Variants in XRCC5 observed in about 807,000 individuals in gnomAD.
XRCC5 encodes X-ray repair cross complementing 5.
XRCC5 carries 12 observed loss-of-function variants against 95.7 expected under a neutral mutation model. The ratio of observed to expected loss-of-function variants is 0.13; its 90% CI spans 0.08 to 0.20. XRCC5 has a LOEUF of 0.20. Among genes scored for constraint, XRCC5 ranks in the 10% least tolerant of loss-of-function variants. The pLI, the probability that XRCC5 is intolerant of heterozygous loss-of-function variation, is 1.00. For missense variants in XRCC5, 595 were observed against 873.9 expected (o/e 0.68, Z 4.02); for synonymous variants, 281 against 290.3 (o/e 0.97, Z 0.33).
intron 16 of XRCC5, 82 bp downstream of exon 16, chr2:216,162,130 T>C: frequency 1.5e-6 from 2 of 1,324,862 alleles, no homozygotes; most frequent in South Asian, 1.2e-5. Context: ...CTGTAGCCTT[T>C]TGTTGTAACA....
intron 19 of XRCC5, among the ~76,000 whole-genome samples, chr2:216,196,531 TAC>T (rs200962435): frequency 6.6e-6 from 1 of 152,058 alleles, no homozygotes; most frequent in African/African-American, 2.4e-5. Context: ...TGTATGCACA[TAC>T]ACACACACAT....
intron 8 of XRCC5, 167 bp from the exon 9 acceptor site, chr2:216,130,708 G>A (rs1696982022): frequency 1.9e-6 from 1 of 528,712 alleles, no homozygotes; most frequent in African/African-American, 2.0e-5. Flanking sequence ...ATCTGCTGCT[G>A]CTTTTTCACC....
At position 216,205,368 on chromosome 2, in the gene XRCC5, A is replaced by T; in HGVS notation, c.*166A>T. ...AATTCTCTGTGGAATGAATACACAC[A>T]TATATATTACAAGGGATAATTTAGA... is the stretch of plus-strand genomic sequence containing the variant. On this transcript the variant is annotated 3_prime_UTR_variant, in exon 21 of 21. Transcript: ENST00000392132. 2 of 733,598 alleles carry T rather than the reference A, an allele frequency of 2.7e-6. No individual in the cohort carries two copies. Among genetic ancestry groups the T allele is most frequent in the South Asian group, 3.3e-5 (2 of 60,644 alleles). The allele number at this position is 733,598 out of a possible 1,614,324, so 45.4% of individuals were successfully genotyped here. A position where few individuals can be genotyped will look rare whatever the true frequency, so the allele number is the denominator to read the frequency against.
At chr2:216,119,213 AT>A in intron 5 of XRCC5, 48 bp downstream of exon 5, 1 of 1,605,276 alleles carries the variant, frequency 6.2e-7, no homozygotes, top group Non-Finnish European at 8.5e-7. Context: ...TGATTTCCTA[AT>A]ATAGTGAATG....
At chr2:216,116,574 G>A (rs758220737) in intron 2 of XRCC5, 85 bp from the exon 3 acceptor site, 3 of 1,526,410 alleles carry the variant, frequency 2.0e-6, no homozygotes, top group Non-Finnish European at 2.7e-6. Context: ...GGGAGGTCTG[G>A]TTGTCCTGCT....
intron 16 of XRCC5, chr2:216,175,883 T>G: frequency 2.4e-6 from 1 of 422,264 alleles, no homozygotes; most frequent in South Asian, 1.9e-5. Flanking sequence ...TAACCCATCA[T>G]CTGTAGTTTT....
chr2:216,180,964 C>A (rs1489299444), intron 16 of XRCC5, among the ~76,000 whole-genome samples: 1 of 151,808 alleles, frequency 6.6e-6, no homozygotes, highest in Non-Finnish European at 1.5e-5. Context: ...CAGGCATGCA[C>A]CACCACACCC....
chr2:216,144,903 C>A (rs1688593815), intron 13 of XRCC5, among the ~76,000 whole-genome samples: 1 of 152,104 alleles, frequency 6.6e-6, no homozygotes, highest in Non-Finnish European at 1.5e-5. Context: ...AGGGTTGTTA[C>A]AAAACCAAAC....
chr2:216,131,252 T>C, intron 9 of XRCC5: 1 of 985,316 alleles, frequency 1.0e-6, no homozygotes, highest in Non-Finnish European at 1.2e-6. Flanking sequence ...ATGAGGGGTA[T>C]TTGAATTATG....
chr2:216,173,568 A>G (rs1689211548), intron 16 of XRCC5, among the ~76,000 whole-genome samples: 1 of 152,206 alleles, frequency 6.6e-6, no homozygotes, highest in Admixed American at 6.5e-5. Flanking sequence ...GTTCTATAAA[A>G]TCCTTTTTAT....
intron 6 of XRCC5, among the ~76,000 whole-genome samples, chr2:216,124,758 G>T (rs1328397470): frequency 2.0e-5 from 3 of 152,156 alleles, no homozygotes; most frequent in Admixed American, 2.0e-4. Context: ...AAGGAGTTCA[G>T]CCAGAAAGTC....
chr2:216,181,582 A>T (rs762994388), intron 16 of XRCC5, among the ~76,000 whole-genome samples: 2 of 152,312 alleles, frequency 1.3e-5, no homozygotes, highest in East Asian at 3.9e-4. Context: ...TACTCTAAAG[A>T]GATGCTTGTG....
At chr2:216,115,295 G>T (rs1247925879) in intron 2 of XRCC5, among the ~76,000 whole-genome samples, 2 of 152,088 alleles carry the variant, frequency 1.3e-5, no homozygotes, top group African/African-American at 4.8e-5. Flanking sequence ...TTGTTTGTTT[G>T]TTTTTGTTGT....
intron 8 of XRCC5, 96 bp downstream of exon 8, chr2:216,127,770 A>G (rs915292770): frequency 7.5e-7 from 1 of 1,330,976 alleles, no homozygotes; most frequent in Non-Finnish European, 1.0e-6. Context: ...GTTTAAAGTT[A>G]TTTCTTTGAG....
At chr2:216,166,215 G>A (rs2106030202) in intron 16 of XRCC5, among the ~76,000 whole-genome samples, 1 of 152,118 alleles carries the variant, frequency 6.6e-6, no homozygotes, top group African/African-American at 2.4e-5. Flanking sequence ...CTACCTCCTG[G>A]GCTCAAGTGA....
chr2:216,170,278 T>A (rs978871442), intron 16 of XRCC5, among the ~76,000 whole-genome samples: 1 of 152,088 alleles, frequency 6.6e-6, no homozygotes, highest in Non-Finnish European at 1.5e-5. Flanking sequence ...TCCCAGTGTT[T>A]TGTTTTCTCA....
chr2:216,126,495 A>G (rs1375629112), intron 7 of XRCC5, among the ~76,000 whole-genome samples: 1 of 152,202 alleles, frequency 6.6e-6, no homozygotes, highest in East Asian at 1.9e-4. Flanking sequence ...GTAAAATTGC[A>G]TTTTATAATA....
Position 216,127,649 on chromosome 2 carries a change from A to G in XRCC5, c.912A>G (p.Glu304=). The G allele has an allele frequency of 6.2e-7, 1 of 1,605,290 alleles. No homozygotes were observed. Among genetic ancestry groups the G allele is most frequent in the Non-Finnish European group, 8.5e-7 (1 of 1,177,754 alleles). Residue 304 remains glutamate (E), a synonymous_variant, in exon 8 of 21, where the codon GAA becomes GAG. Transcript: ENST00000392132. ...VYCLNDDDET[E]VLKEDIIQGF... ...GCTTAAATGATGATGATGAAACTGA[A>G]GTTTTAAAAGAGGATATTATTCAAG...
At chr2:216,143,158 A>T (rs190518924) in intron 13 of XRCC5, among the ~76,000 whole-genome samples, 1 of 152,216 alleles carries the variant, frequency 6.6e-6, no homozygotes, top group East Asian at 1.9e-4. Flanking sequence ...TAAGTGTCCT[A>T]CTGAGTTCTA....
Sources: gnomAD v4.1 joint callset for allele counts (sites outside exome capture counted in the v4.1 genomes callset) on GRCh38, gnomAD v4.1.1 for gene constraint, MANE v1.5 for transcripts, NCBI Gene and HGNC (gene_info 2026-07-23, HGNC 2026-07-21) for gene names.